The following ZFHX3 variants were observed in gnomAD, a reference collection of about 807,000 sequenced individuals.
The protein encoded by ZFHX3 is zinc finger homeobox 3.
A neutral mutation model predicts 279.1 loss-of-function variants in ZFHX3; 42 were observed. The ratio of observed to expected loss-of-function variants is 0.15; its 90% CI spans 0.12 to 0.19. ZFHX3 has a LOEUF of 0.19. Among genes scored for constraint, ZFHX3 ranks in the 10% least tolerant of loss-of-function variants. ZFHX3 has a pLI of 1.00. For synonymous variants in ZFHX3, 2,293 were observed against 1,957.8 expected, an observed-to-expected ratio of 1.17 and a Z score of -4.52; for missense variants, 4,981 against 4,754.0, an observed-to-expected ratio of 1.05 and a Z score of -1.40.
chr16:72,906,208 C>T (rs904364874), intron 3 of ZFHX3, among the ~76,000 whole-genome samples: 1 of 151,750 alleles, frequency 6.6e-6, no homozygotes, highest in Non-Finnish European at 1.5e-5. Flanking sequence ...AAGGCCGGCC[C>T]GGGAAAACGT....
At chr16:73,532,103 A>G (rs944718054) in intron 2 of ZFHX3, among the ~76,000 whole-genome samples, 1 of 152,130 alleles carries the variant, frequency 6.6e-6, no homozygotes, top group African/African-American at 2.4e-5. Context: ...AAGATTAAAA[A>G]AAAAAACAAA....
In ZFHX3 at chr16:73,044,986, C is replaced by T. The variant is rs527272511; in HGVS notation, c.-50+2766G>A. Among the ~76,000 whole-genome samples the T allele has an allele frequency of 5.9e-5, 9 of 152,294 alleles. No homozygotes were observed. In the South Asian group the frequency reaches 1.9e-3, roughly 32 times the overall value. ...TTAAATAATTCAAGCCAGTTCCCTA[C>T]ACTTTTACAAAATGTTGCTTAGTCA... On this transcript the variant is annotated intron_variant, in intron 1 of 9. Coordinates refer to ENST00000268489, the MANE Select transcript of ZFHX3 (RefSeq NM_006885.4).
intron 4 of ZFHX3, among the ~76,000 whole-genome samples, chr16:72,883,024 GT>G (rs2038531101): frequency 3.1e-4 from 46 of 148,542 alleles, no homozygotes; most frequent in Admixed American, 2.8e-3. Context: ...GTGTGTGTGT[GT>G]GTGTGTGTGT....
At chr16:73,558,586 A>G (rs1340464732) in intron 2 of ZFHX3, 1 of 152,228 alleles carries the variant, frequency 6.6e-6, no homozygotes, top group Non-Finnish European at 1.5e-5. Flanking sequence ...ATTAAGCAGT[A>G]TCAGCACGGC....
At chr16:73,592,284 G>A (rs373422410) in intron 2 of ZFHX3, among the ~76,000 whole-genome samples, 8 of 152,104 alleles carry the variant, frequency 5.3e-5, no homozygotes, top group Admixed American at 1.3e-4. Context: ...GAAGTTCTTC[G>A]CTTTTGCAGA....
chr16:72,928,546 C>T (rs1394113562), intron 3 of ZFHX3, among the ~76,000 whole-genome samples: 1 of 152,140 alleles, frequency 6.6e-6, no homozygotes, highest in Non-Finnish European at 1.5e-5. Context: ...AAACTCTAGG[C>T]CCAAGCTCCA....
intron 3 of ZFHX3, among the ~76,000 whole-genome samples, chr16:73,332,631 A>G (rs1245674107): frequency 6.6e-6 from 1 of 152,248 alleles, no homozygotes; most frequent in African/African-American, 2.4e-5. Context: ...ATGTAAGAAT[A>G]TTAACTGTAT....
In ZFHX3 at chr16:72,788,450, G is replaced by C; in HGVS notation, c.9826C>G (p.Leu3276Val). ...TATAATISAP[L>V]PTMEYAVDPA... ...TCTACCGCATACTCCATGGTGGGCA[G>C]CGGGGCTGAGATCGTGGCTGCAGTT... The change falls in exon 10 of 10, where the codon CTG (leucine) becomes GTG (valine). Residue 3276 changes from leucine to valine, a missense_variant. Transcript: ENST00000268489. The C allele has an allele frequency of 6.2e-7, 1 of 1,614,248 alleles. No homozygotes were observed. Among genetic ancestry groups the C allele is most frequent in the Non-Finnish European group, 8.5e-7 (1 of 1,180,042 alleles).
At chr16:72,951,058 G>A in intron 2 of ZFHX3, 93 bp from the exon 3 acceptor site, 1 of 1,513,936 alleles carries the variant, frequency 6.6e-7, no homozygotes, top group Non-Finnish European at 8.9e-7. Flanking sequence ...ACCCTCAACT[G>A]GGGTCCAAAA....
chr16:73,346,707 A>G (rs538095152), intron 3 of ZFHX3, among the ~76,000 whole-genome samples: 4 of 152,078 alleles, frequency 2.6e-5, no homozygotes, highest in African/African-American at 9.6e-5. Context: ...CCTAACCTCA[A>G]CTGATCTGCC....
At position 72,798,132 on chromosome 16, in the gene ZFHX3, G is replaced by C; in HGVS notation, c.4550C>G (p.Ser1517Trp). 1.2e-6 allele frequency: 2 copies of C among 1,614,186 alleles called. No homozygotes were observed. The highest frequency in any genetic ancestry group is 1.7e-6 in the Non-Finnish European group (2 of 1,180,038). ...CAGAGCTCTCTTTGGCTCTGAGCCC[G>C]AGTCTTCTTGTACTGACCCAGAGTC... Reference protein sequence around the residue: ...GSDSGSVQEDSGSEPKRALPF... With the variant: ...GSDSGSVQEDWGSEPKRALPF... The change falls in exon 9 of 10, where the codon TCG (serine) becomes TGG (tryptophan). Residue 1517 changes from serine (S) to tryptophan (W), a missense_variant. This residue lies in a region of ZFHX3 where 1,751 missense variants were observed against 1,770.0 expected (regional missense o/e 0.99). Transcript: ENST00000268489.
chr16:72,914,226 C>A (rs111725737), intron 3 of ZFHX3, among the ~76,000 whole-genome samples: 25 of 152,200 alleles, frequency 1.6e-4, no homozygotes, highest in African/African-American at 5.5e-4. Flanking sequence ...GCTAAGGAGG[C>A]CCAACAAAAC....
At chr16:72,906,577 A>G (rs990496701) in intron 3 of ZFHX3, among the ~76,000 whole-genome samples, 1 of 152,142 alleles carries the variant, frequency 6.6e-6, no homozygotes, top group African/African-American at 2.4e-5. Context: ...CAGGCGGATC[A>G]CCTGAGGTCA....
chr16:73,141,708 A>C (rs1364978914), intron 6 of ZFHX3, among the ~76,000 whole-genome samples: 1 of 152,062 alleles, frequency 6.6e-6, no homozygotes, highest in African/African-American at 2.4e-5. Context: ...CAGCTAAATA[A>C]ATTTTCTCAT....
At chr16:73,609,841 C>T (rs906775967) in intron 2 of ZFHX3, 4 of 152,170 alleles carry the variant, frequency 2.6e-5, no homozygotes, top group African/African-American at 4.8e-5. Context: ...AAAGAAGAGA[C>T]GCTATTCTCA....
At chr16:72,976,773 G>A (rs118073266) in intron 1 of ZFHX3, among the ~76,000 whole-genome samples, 1,649 of 152,324 alleles carry the variant, frequency 0.011, 14 homozygotes, top group Middle Eastern at 0.02. Context: ...GGTCCACTGT[G>A]TTTAAAAACA....
chr16:73,127,271 T>C, intron 7 of ZFHX3: 5 of 1,182,160 alleles, frequency 4.2e-6, no homozygotes, highest in African/African-American at 1.6e-5. Context: ...GATAGGAATG[T>C]GGAGGAAACT....
At position 73,286,938 on chromosome 16, in the gene ZFHX3, G is replaced by A. The variant is rs146528635; in HGVS notation, c.-1193-29802C>T. ...TGTGTGGCTGTGTGGGTTGGTGTGT[G>A]GCTATGTGGGCCAGTGTGTGGCTGT... is the stretch of plus-strand genomic sequence containing the variant. On this transcript the variant is annotated intron_variant, in intron 4 of 17. Coordinates refer to the ZFHX3 transcript ENST00000641206. Among the ~76,000 whole-genome samples the A allele has an allele frequency of 2.5e-3, 376 of 150,718 alleles. 2 individuals carry two copies. Among genetic ancestry groups the A allele is most frequent in the Admixed American group, 5.7e-3 (87 of 15,162 alleles).
chr16:72,907,658 T>A (rs2039216705), intron 3 of ZFHX3, among the ~76,000 whole-genome samples: 1 of 145,980 alleles, frequency 6.9e-6, no homozygotes, highest in African/African-American at 2.5e-5. Flanking sequence ...TGTGTACAAG[T>A]CCATGCTAGA....
Sources: allele counts gnomAD v4.1 joint callset (sites outside exome capture counted in the v4.1 genomes callset), GRCh38; gene constraint gnomAD v4.1.1; regional missense constraint gnomAD v4.1.1; transcripts MANE v1.5; gene names NCBI Gene and HGNC (gene_info 2026-07-23, HGNC 2026-07-21).